The following IFNL2 variants were observed in gnomAD, a reference collection of about 807,000 sequenced individuals.
The protein encoded by IFNL2 is interferon lambda-2.
Under a neutral mutation model 18.7 loss-of-function variants are expected in IFNL2, and 17 were observed. The observed-to-expected ratio is 0.91, with a 90% CI of 0.62 to 1.36. IFNL2 has a LOEUF of 1.36. Among genes scored for constraint, IFNL2 ranks in the 40% most tolerant of loss-of-function variants. The pLI is 0.00. For missense variants in IFNL2, 225 were observed against 257.3 expected (o/e 0.87, Z 0.86); for synonymous variants, 96 against 113.4 (o/e 0.85, Z 0.98).
At chr19:39,269,386 C>G (rs2075027030) in intron 3 of IFNL2, 102 bp from the exon 4 acceptor site, 1 of 1,524,906 alleles carries the variant, frequency 6.6e-7, no homozygotes, top group African/African-American at 1.4e-5. Flanking sequence ...TGGCTGTGCC[C>G]TCTCCCCTGT....
chr19:39,268,718 G>A lies in IFNL2; in HGVS notation c.52G>A (p.Ala18Thr), dbSNP rs369655847. The A allele has an allele frequency of 8.1e-6, 13 of 1,612,972 alleles. No individual in the cohort carries two copies. Among genetic ancestry groups the A allele is most frequent in the Admixed American group, 3.3e-5 (2 of 59,996 alleles). Residue 18 changes from alanine to threonine, a missense_variant, in exon 2 of 6, where the codon GCA becomes ACA. Physicochemically the swap from Ala to Thr is moderately conservative, Grantham distance 58. Coordinates refer to ENST00000331982, the MANE Select transcript of IFNL2 (RefSeq NM_172138.2). ...CACGCCAGTGCTGGTGCTGATGGCC[G>A]CAGTGCTGACCGTGACTGGAGCAGT... ...DCTPVLVLMA[A>T]VLTVTGAVPV...
chr19:39,268,774 G>C lies in IFNL2; in HGVS notation c.108G>C (p.Pro36=), dbSNP rs376288905. The C allele has an allele frequency of 6.2e-7, 1 of 1,613,622 alleles. No homozygotes were observed. Among genetic ancestry groups the C allele is most frequent in the Admixed American group, 1.7e-5 (1 of 60,014 alleles). ...VPVARLHGAL[P]DARGCHIAQF... ...TCGCCAGGCTCCACGGGGCTCTCCC[G>C]GATGCAAGGGGCTGCCACATAGCCC... The change falls in exon 2 of 6, where the codon CCG becomes CCC. Residue 36 remains proline (P), a synonymous_variant. Transcript: ENST00000331982.
In IFNL2 at chr19:39,269,652, C is replaced by T. The variant is rs2144996327; in HGVS notation, c.420+15C>T. 2 of 1,613,266 alleles carry T rather than the reference C, an allele frequency of 1.2e-6. No homozygotes were observed. Among genetic ancestry groups the T allele is most frequent in the East Asian group, 2.2e-5 (1 of 44,870 alleles). On this transcript the variant is annotated intron_variant, in intron 4 of 5. Coordinates refer to ENST00000331982, the MANE Select transcript of IFNL2 (RefSeq NM_172138.2). ...TCCGGGCCTGTGTGAGTCGTTGGGG[C>T]CTGGGCACCCAGGTCTGTGAGCTCT...
rs1490818119 is a variant in IFNL2 at position 39,268,539 on chromosome 19, T to A, written c.-30T>A. ...CCCTGGGTGACAGCCTCAGAGTGTT[T>A]CTTCTGCTGACAAAGACCAGAGATC... On this transcript the variant is annotated 5_prime_UTR_variant, in exon 1 of 6. Coordinates refer to ENST00000331982, the MANE Select transcript of IFNL2 (RefSeq NM_172138.2). The A allele has an allele frequency of 6.2e-7, 1 of 1,606,240 alleles. No homozygotes were observed. The highest frequency in any genetic ancestry group is 1.7e-5 in the Admixed American group (1 of 59,072).
At chr19:39,269,333 C>A in intron 3 of IFNL2, 104 bp downstream of exon 3, 1 of 1,478,016 alleles carries the variant, frequency 6.8e-7, no homozygotes, top group Non-Finnish European at 9.2e-7. Flanking sequence ...CTCTCTTCTC[C>A]TCACACCTGC....
At chr19:39,269,662 C>T (rs376879461) in intron 4 of IFNL2, 25 bp downstream of exon 4, 5 of 1,612,622 alleles carry the variant, frequency 3.1e-6, no homozygotes, top group East Asian at 2.2e-5. Context: ...CCTGGGCACC[C>T]AGGTCTGTGA....
chr19:39,269,102 TC>T, intron 2 of IFNL2, 49 bp from the exon 3 acceptor site: 1 of 1,583,686 alleles, frequency 6.3e-7, no homozygotes, highest in Non-Finnish European at 8.6e-7. Context: ...ACCAGGATGG[TC>T]TAACCTCCAC....
chr19:39,269,565 C>T lies in IFNL2; in HGVS notation c.348C>T (p.Asp116=), dbSNP rs776317212. The change falls in exon 4 of 6, where the codon GAC becomes GAT. Residue 116 remains aspartate, a synonymous_variant. Transcript: ENST00000331982. ...TTCTGGAGGCCACCGCTGACACTGA[C>T]CCAGCCCTGGTGGACGTCTTGGACC... ...LKVLEATADT[D]PALVDVLDQP... 4.3e-5 allele frequency: 70 copies of T among 1,614,100 alleles called. 1 individual carries two copies. The South Asian group carries it at 7.2e-4, about 17-fold the overall frequency.
chr19:39,269,142 T>C lies in IFNL2; in HGVS notation c.193-10T>C. The stretch of plus-strand genomic sequence containing the variant: ...TCCTGCTGGGGCTAACCTGTGCCTT[T>C]GCTGTCTAGGAAGAGTCGCTTCTGC... On this transcript the variant is annotated splice_polypyrimidine_tract_variant and intron_variant, in intron 2 of 5. Transcript: ENST00000331982. 4.3e-6 allele frequency: 7 copies of C among 1,610,836 alleles called. No homozygotes were observed. In the South Asian group the frequency reaches 7.7e-5, roughly 18 times the overall value.
rs1266400449 is a variant in IFNL2, at chr19:39,270,140, A to T, written c.*127A>T. The T allele has an allele frequency of 1.8e-5, 20 of 1,089,158 alleles. No individual in the cohort carries two copies. Among genetic ancestry groups the T allele is most frequent in the Admixed American group, 2.6e-5 (1 of 38,980 alleles). 67.5% of individuals were successfully genotyped at this position (1,089,158 alleles called of 1,614,324 possible). On this transcript the variant is annotated 3_prime_UTR_variant, in exon 6 of 6. Coordinates refer to ENST00000331982, the MANE Select transcript of IFNL2 (RefSeq NM_172138.2). The stretch of plus-strand genomic sequence containing the variant: ...CCAACTCACCTCCAGGAAAATGTTT[A>T]TTTTTCTACTTTTTATAACCCTTGT...
rs546501 is a variant in IFNL2, at chr19:39,269,647, T to A, written c.420+10T>A. The stretch of plus-strand genomic sequence containing the variant: ...CCAGTTCCGGGCCTGTGTGAGTCGT[T>A]GGGGCCTGGGCACCCAGGTCTGTGA... On this transcript the variant is annotated intron_variant, in intron 4 of 5. Transcript: ENST00000331982. 1.2e-6 allele frequency: 2 copies of A among 1,613,334 alleles called. No homozygotes were observed. Among genetic ancestry groups the A allele is most frequent in the Admixed American group, 1.7e-5 (1 of 59,984 alleles).
Position 39,269,032 on chromosome 19 carries a change from C to T in IFNL2, c.193-120C>T. ...TCATGTTTTCCTGTAGAAGAGGGTC[C>T]TCTACCATCCTCCCAGCAGTTAACC... is the stretch of plus-strand genomic sequence containing the variant. On this transcript the variant is annotated intron_variant, in intron 2 of 5. Transcript: ENST00000331982. The T allele has an allele frequency of 2.2e-6, 3 of 1,357,890 alleles. No homozygotes were observed. The Middle Eastern group carries it at 7.8e-4, about 351-fold the overall frequency. 84.1% of individuals were successfully genotyped at this position (1,357,890 alleles called of 1,614,324 possible).
chr19:39,270,066 C>G lies in IFNL2; in HGVS notation c.*53C>G. 6.5e-7 allele frequency: 1 copy of G among 1,536,752 alleles called. No individual in the cohort carries two copies. The highest frequency in any genetic ancestry group is 8.8e-7 in the Non-Finnish European group (1 of 1,133,864). ...TTTTATTTATAAATTAGCCACTTGT[C>G]TTAATTTATTGCCACCCAGTCGCTA... On this transcript the variant is annotated 3_prime_UTR_variant, in exon 6 of 6. Coordinates refer to ENST00000331982, the MANE Select transcript of IFNL2 (RefSeq NM_172138.2).
In IFNL2 at chr19:39,269,772, G is replaced by A. The variant is rs555975722; in HGVS notation, c.455G>A (p.Arg152Gln). The change falls in exon 5 of 6, where the codon CGG becomes CAG. Residue 152 changes from arginine (R) to glutamine (Q), a missense_variant. Arg to Gln is a conservative substitution (Grantham distance 43). Transcript: ENST00000331982. Reference protein sequence around the residue: ...QPQPTAGPRTRGRLHHWLYRL... With the variant: ...QPQPTAGPRTQGRLHHWLYRL... ...CAGCCCACGGCAGGGCCCAGGACCCGGGGCCGCCTCCACCATTGGCTGTAC... is the reference window on the plus strand; with the variant it reads ...CAGCCCACGGCAGGGCCCAGGACCCAGGGCCGCCTCCACCATTGGCTGTAC... 3.6e-5 allele frequency: 58 copies of A among 1,609,326 alleles called. No individual in the cohort carries two copies. Among genetic ancestry groups the A allele is most frequent in the Non-Finnish European group, 4.7e-5 (55 of 1,178,312 alleles).
Position 39,268,646 on chromosome 19 carries a change from C to T in IFNL2, c.11-31C>T, listed in dbSNP as rs576828. On this transcript the variant is annotated intron_variant, in intron 1 of 5. Transcript: ENST00000331982. ...TGCCCTCAGTGGGCAGCCTCTCCATCCCCTCAGCTCCCTTTCTCTCTGTGA... is the reference window on the plus strand; with the variant it reads ...TGCCCTCAGTGGGCAGCCTCTCCATTCCCTCAGCTCCCTTTCTCTCTGTGA... 4.8e-4 allele frequency: 770 copies of T among 1,612,868 alleles called. 4 individuals are homozygous for T. The highest frequency in any genetic ancestry group is 3.6e-3 in the African/African-American group (266 of 74,264).
chr19:39,268,576 T>G lies in IFNL2; in HGVS notation c.8T>G (p.Leu3Arg). Residue 3 changes from leucine (L) to arginine (R), a missense_variant and splice_region_variant, in exon 1 of 6, where the codon CTA becomes CGA. Coordinates refer to ENST00000331982, the MANE Select transcript of IFNL2 (RefSeq NM_172138.2). ...AAAGACCAGAGATCAGGAATGAAAC[T>G]AGGTGAGTCCCACATCTCTGTCCGT... MK[L>R]DMTGDCTPVL... 1 of 1,612,758 alleles carries G rather than the reference T, an allele frequency of 6.2e-7. No individual in the cohort carries two copies. Among genetic ancestry groups the G allele is most frequent in the Non-Finnish European group, 8.5e-7 (1 of 1,179,456 alleles).
chr19:39,269,160 G>A lies in IFNL2; in HGVS notation c.201G>A (p.Ser67=), dbSNP rs186980558. The change falls in exon 3 of 6, where the codon TCG becomes TCA. Residue 67 remains serine (S), a synonymous_variant. Transcript: ENST00000331982. ...FKRAKDALEE[S]LLLKDCRCHS... is the part of the protein sequence containing the mutation. ...GTGCCTTTGCTGTCTAGGAAGAGTCGCTTCTGCTGAAGGACTGCAGGTGCC... is the reference window on the plus strand; with the variant it reads ...GTGCCTTTGCTGTCTAGGAAGAGTCACTTCTGCTGAAGGACTGCAGGTGCC... 142 of 1,611,434 alleles carry A rather than the reference G, an allele frequency of 8.8e-5. No individual in the cohort carries two copies. The East Asian group carries it at 2.0e-3, about 23-fold the overall frequency.
chr19:39,269,951 A>C lies in IFNL2; in HGVS notation c.541A>C (p.Asn181His). Residue 181 changes from asparagine to histidine, a missense_variant, in exon 6 of 6, where the codon AAC becomes CAC. Physicochemically the swap from Asn to His is moderately conservative, Grantham distance 68 (BLOSUM62 1). Transcript: ENST00000331982. ...CTGCCTCGAGGCCTCTGTCACCTTC[A>C]ACCTCTTCCGCCTCCTCACGCGAGA... ...PGCLEASVTF[N>H]LFRLLTRDLN... The C allele has an allele frequency of 6.2e-7, 1 of 1,603,838 alleles. No homozygotes were observed. Among genetic ancestry groups the C allele is most frequent in the Non-Finnish European group, 8.5e-7 (1 of 1,175,072 alleles).
intron 2 of IFNL2, 124 bp downstream of exon 2, chr19:39,268,982 T>G: frequency 7.2e-7 from 1 of 1,382,652 alleles, no homozygotes; most frequent in Non-Finnish European, 9.9e-7. Context: ...GTGGGCTATC[T>G]CATGCTCCTA....
Sources: allele counts gnomAD v4.1 joint callset, GRCh38; gene constraint gnomAD v4.1.1; transcripts MANE v1.5; gene names NCBI Gene and HGNC (gene_info 2026-07-23, HGNC 2026-07-21).